The following GRIN2B variants were observed in gnomAD, a reference collection of about 807,000 sequenced individuals.
GRIN2B encodes glutamate ionotropic receptor NMDA type subunit 2B, also known as glutamate receptor ionotropic, NMDA 2B.
In GRIN2B, 5 loss-of-function variants were observed where a neutral mutation model predicts 114.5. The observed-to-expected ratio is 0.04, with a 90% CI of 0.02 to 0.09. The LOEUF is 0.09. Ranked by LOEUF, GRIN2B falls within the 10% of genes least tolerant of loss-of-function variation. The pLI is 1.00. For missense variants in GRIN2B, 1,108 were observed against 1,943.5 expected (o/e 0.57, Z 8.08); for synonymous variants, 787 against 745.1 (o/e 1.06, Z -0.92).
At chr12:13,678,873 C>A (rs537684443) in intron 4 of GRIN2B, among the ~76,000 whole-genome samples, 4 of 152,164 alleles carry the variant, frequency 2.6e-5, no homozygotes, top group African/African-American at 9.6e-5. Context: ...AAAATGTATT[C>A]TTACTACAAA....
intron 2 of GRIN2B, among the ~76,000 whole-genome samples, chr12:13,921,562 C>T (rs927308811): frequency 7.9e-5 from 12 of 152,168 alleles, no homozygotes; most frequent in African/African-American, 2.9e-4. Context: ...GTTTGCAACA[C>T]ACTGCACATC....
At chr12:13,729,469 G>A (rs927846564) in intron 4 of GRIN2B, among the ~76,000 whole-genome samples, 1 of 152,136 alleles carries the variant, frequency 6.6e-6, no homozygotes, top group Non-Finnish European at 1.5e-5. Flanking sequence ...TGGGCTGGGT[G>A]TAGCCTGTTC....
At chr12:13,917,817 A>T (rs972534287) in intron 2 of GRIN2B, among the ~76,000 whole-genome samples, 1 of 152,238 alleles carries the variant, frequency 6.6e-6, no homozygotes, top group African/African-American at 2.4e-5. Context: ...TGGCAATTTC[A>T]AAATATGCAA....
chr12:13,685,715 T>C (rs1173799661), intron 4 of GRIN2B, among the ~76,000 whole-genome samples: 1 of 152,056 alleles, frequency 6.6e-6, no homozygotes, highest in East Asian at 1.9e-4. Context: ...ACACCTACCA[T>C]ACAGATAAAA....
At chr12:13,970,444 G>T (rs1447855613) in intron 2 of GRIN2B, among the ~76,000 whole-genome samples, 1 of 152,014 alleles carries the variant, frequency 6.6e-6, no homozygotes, top group Non-Finnish European at 1.5e-5. Context: ...AAACATAAAA[G>T]GTATAAACAT....
intron 4 of GRIN2B, among the ~76,000 whole-genome samples, chr12:13,683,111 A>C (rs1950146616): frequency 6.6e-6 from 1 of 152,116 alleles, no homozygotes; most frequent in Non-Finnish European, 1.5e-5. Context: ...CTAGGGAACA[A>C]TGCTCTCTAG....
intron 3 of GRIN2B, among the ~76,000 whole-genome samples, chr12:13,837,295 G>A (rs542679893): frequency 1.4e-3 from 213 of 152,290 alleles, no homozygotes; most frequent in Middle Eastern, 3.4e-3. Context: ...CTTTCTCTGA[G>A]ACATGTCCTC....
chr12:13,605,551 T>TCACACACACACACACA, intron 10 of GRIN2B, among the ~76,000 whole-genome samples: 1 of 30,448 alleles, frequency 3.3e-5, no homozygotes, highest in Non-Finnish European at 7.3e-5. Flanking sequence ...TCTCTCTCTC[T>TCACACACACACACACA]GACACACACA....
rs7977989 is a variant in GRIN2B, at chr12:13,851,318, T to A, written c.411+14480A>T. On this transcript the variant is annotated intron_variant, in intron 3 of 13. Coordinates refer to ENST00000609686, the MANE Select transcript of GRIN2B (RefSeq NM_000834.5). ...CTTCTGTTTTCATTTCCTTTCCTCA[T>A]CTCCATTAGCTTCTTTTCATTTTTC... Among the ~76,000 whole-genome samples the A allele has an allele frequency of 9.2e-3, 1,408 of 152,296 alleles. 22 individuals carry two copies. The highest frequency in any genetic ancestry group is 0.032 in the African/African-American group (1,318 of 41,554).
In GRIN2B at chr12:13,866,146, C is replaced by A; in HGVS notation, c.63G>T (p.Val21=). Reference sequence around the variant, plus strand: ...TCTGAGAACGAGCTCTGCTGCCTGACACGGCCAGGACGGCCAACACCAACC... The same window carrying A: ...TCTGAGAACGAGCTCTGCTGCCTGAAACGGCCAGGACGGCCAACACCAACC... The part of the protein sequence containing the change: ...KFWLVLAVLA[V]SGSRARSQKS... Residue 21 remains valine (V), a synonymous_variant, in exon 3 of 14, where the codon GTG becomes GTT. Transcript: ENST00000609686. The A allele has an allele frequency of 3.7e-6, 6 of 1,613,400 alleles. No homozygotes were observed. The highest frequency in any genetic ancestry group is 5.1e-6 in the Non-Finnish European group (6 of 1,179,972).
At chr12:13,646,797 G>C (rs1325435058) in intron 5 of GRIN2B, among the ~76,000 whole-genome samples, 2 of 151,944 alleles carry the variant, frequency 1.3e-5, no homozygotes, top group Non-Finnish European at 2.9e-5. Context: ...CAAAGTGCTG[G>C]GATTACGGGT....
intron 3 of GRIN2B, among the ~76,000 whole-genome samples, chr12:13,793,841 G>A (rs1412966072): frequency 2.6e-5 from 4 of 152,052 alleles, no homozygotes; most frequent in Admixed American, 2.0e-4. Flanking sequence ...CTTTTTGGAA[G>A]AAGGAAGTGG....
chr12:13,941,696 C>A (rs1046173372), intron 2 of GRIN2B, among the ~76,000 whole-genome samples: 4 of 152,128 alleles, frequency 2.6e-5, no homozygotes, highest in Non-Finnish European at 5.9e-5. Flanking sequence ...CAGCATCAAA[C>A]CCAGGGGACC....
intron 2 of GRIN2B, among the ~76,000 whole-genome samples, chr12:13,875,548 T>C (rs1328677320): frequency 6.6e-6 from 1 of 151,802 alleles, no homozygotes; most frequent in Non-Finnish European, 1.5e-5. Flanking sequence ...AAGTAAAAAA[T>C]AAAATGAAAT....
At chr12:13,583,734 G>A (rs902174393) in intron 10 of GRIN2B, among the ~76,000 whole-genome samples, 1 of 152,084 alleles carries the variant, frequency 6.6e-6, no homozygotes, top group African/African-American at 2.4e-5. Flanking sequence ...GGGTGATGGG[G>A]CAAGCGAAAT....
At chr12:13,888,139 C>A (rs973577991) in intron 2 of GRIN2B, among the ~76,000 whole-genome samples, 1 of 151,974 alleles carries the variant, frequency 6.6e-6, no homozygotes, top group Non-Finnish European at 1.5e-5. Context: ...TTGTTTAACC[C>A]AAAAAAATCA....
rs1375003646 is a variant in GRIN2B at position 13,555,909 on chromosome 12, G to A, written c.*6874C>T. The A allele has an allele frequency of 2.0e-5, 3 of 152,236 alleles. No homozygotes were observed. The highest frequency in any genetic ancestry group is 4.4e-5 in the Non-Finnish European group (3 of 68,030). The allele number at this position is 152,236 out of a possible 1,614,324, so 9.4% of individuals were successfully genotyped here. A position where few individuals can be genotyped will look rare whatever the true frequency, so the allele number is the denominator to read the frequency against. ...GTAGGTTTAAGACTTGCTCTTCTTGGGGATGCAATGAATGACAAGGGGATG... is the reference window on the plus strand; with the variant it reads ...GTAGGTTTAAGACTTGCTCTTCTTGAGGATGCAATGAATGACAAGGGGATG... On this transcript the variant is annotated 3_prime_UTR_variant, in exon 14 of 14. Coordinates refer to ENST00000609686, the MANE Select transcript of GRIN2B (RefSeq NM_000834.5).
At chr12:13,968,420 C>A (rs1867824676) in intron 2 of GRIN2B, among the ~76,000 whole-genome samples, 1 of 152,182 alleles carries the variant, frequency 6.6e-6, no homozygotes, top group African/African-American at 2.4e-5. Context: ...CTAAAGACCT[C>A]ATTTTACAGA....
intron 2 of GRIN2B, among the ~76,000 whole-genome samples, chr12:13,866,796 T>G (rs191187835): frequency 1.3e-5 from 2 of 152,308 alleles, no homozygotes; most frequent in East Asian, 1.9e-4. Context: ...CTCTTAATAT[T>G]AAACTACAAG....
Sources: allele counts gnomAD v4.1 joint callset (sites outside exome capture counted in the v4.1 genomes callset), GRCh38; gene constraint gnomAD v4.1.1; transcripts MANE v1.5; gene names NCBI Gene and HGNC (gene_info 2026-07-23, HGNC 2026-07-21).